TAFA2: variants seen among roughly 807,000 people sequenced by gnomAD.
The protein encoded by TAFA2 is TAFA chemokine like family member 2.
In TAFA2, 7 loss-of-function variants were observed where a neutral mutation model predicts 18.8. The observed-to-expected ratio is 0.37, with a 90% CI of 0.21 to 0.70. TAFA2 has a LOEUF of 0.70. TAFA2 is among the 30% of genes least tolerant of loss of function. TAFA2 has a pLI of 0.53. For missense variants in TAFA2, 122 were observed against 158.1 expected, an observed-to-expected ratio of 0.77 and a Z score of 1.23; for synonymous variants, 60 against 54.2, an observed-to-expected ratio of 1.11 and a Z score of -0.47.
chr12:62,094,960 A>G (rs977854315), intron 1 of TAFA2, among the ~76,000 whole-genome samples: 1 of 152,240 alleles, frequency 6.6e-6, no homozygotes, highest in East Asian at 1.9e-4. Context: ...GTAAAGCATT[A>G]GCCATTAACA....
chr12:62,022,816 T>C (rs1323674960), intron 1 of TAFA2, among the ~76,000 whole-genome samples: 1 of 152,180 alleles, frequency 6.6e-6, no homozygotes, highest in Non-Finnish European at 1.5e-5. Context: ...GTGTCTATCA[T>C]GTGCCAGTAA....
chr12:62,083,247 A>G (rs1057249435), intron 1 of TAFA2, among the ~76,000 whole-genome samples: 6 of 151,746 alleles, frequency 4.0e-5, no homozygotes, highest in Admixed American at 3.3e-4. Context: ...ATATGAGCTT[A>G]TCTGAATCAT....
chr12:62,037,589 A>G (rs892957787), intron 1 of TAFA2, among the ~76,000 whole-genome samples: 8 of 152,220 alleles, frequency 5.3e-5, no homozygotes, highest in Non-Finnish European at 1.0e-4. Context: ...TTACAAATAC[A>G]TATGCCCACG....
intron 1 of TAFA2, among the ~76,000 whole-genome samples, chr12:62,096,489 T>C (rs916709349): frequency 1.3e-5 from 2 of 152,086 alleles, no homozygotes; most frequent in African/African-American, 4.8e-5. Flanking sequence ...GAGGAATAAA[T>C]GAACCAGACC....
intron 2 of TAFA2, among the ~76,000 whole-genome samples, chr12:61,831,736 A>G (rs1035642667): frequency 4.6e-5 from 7 of 152,046 alleles, no homozygotes; most frequent in Admixed American, 3.9e-4. Flanking sequence ...GTTCTAGGGT[A>G]CATGTGCACA....
At chr12:62,205,276 C>T (rs1316410456) in intron 1 of TAFA2, among the ~76,000 whole-genome samples, 2 of 152,194 alleles carry the variant, frequency 1.3e-5, no homozygotes, top group Admixed American at 1.3e-4. Context: ...TGTCTGGTGA[C>T]CACTCTTGGG....
At chr12:61,712,107 T>C (rs1242900770) in intron 4 of TAFA2, among the ~76,000 whole-genome samples, 2 of 151,714 alleles carry the variant, frequency 1.3e-5, no homozygotes, top group Non-Finnish European at 2.9e-5. Flanking sequence ...AGAGAGGAAA[T>C]TGAGAGAGAA....
At chr12:61,947,171 A>C (rs1427634743) in intron 1 of TAFA2, among the ~76,000 whole-genome samples, 1 of 146,272 alleles carries the variant, frequency 6.8e-6, no homozygotes, top group Admixed American at 7.0e-5. Flanking sequence ...CATGGATGAA[A>C]TTAGAAACCA....
intron 1 of TAFA2, among the ~76,000 whole-genome samples, chr12:62,144,852 G>A (rs544018446): frequency 4.6e-5 from 7 of 152,112 alleles, no homozygotes; most frequent in African/African-American, 9.7e-5. Flanking sequence ...ATAAGAAATC[G>A]GTCTAGTAGT....
Position 61,775,592 on chromosome 12 carries a change from G to A in TAFA2, c.107-20568C>T, listed in dbSNP as rs138676202. The stretch of plus-strand genomic sequence containing the variant: ...TCCAACTATATGCTTTTCTGGAAAA[G>A]GAGAAACTATGAAGATCAGTGATTA... On this transcript the variant is annotated intron_variant, in intron 2 of 4. Coordinates refer to ENST00000416284, the MANE Select transcript of TAFA2 (RefSeq NM_178539.5). 5.9e-4 allele frequency among the ~76,000 whole-genome samples: 90 copies of A among 151,938 alleles called. 1 individual carries two copies. Among genetic ancestry groups the A allele is most frequent in the African/African-American group, 2.1e-3 (86 of 41,520 alleles).
At chr12:62,256,464 T>G (rs1429279350) in intron 1 of TAFA2, among the ~76,000 whole-genome samples, 1 of 152,216 alleles carries the variant, frequency 6.6e-6, no homozygotes, top group Non-Finnish European at 1.5e-5. Flanking sequence ...CCAACAGATT[T>G]CCTTCACCCA....
At chr12:62,144,284 T>C (rs1003307741) in intron 1 of TAFA2, among the ~76,000 whole-genome samples, 3 of 152,102 alleles carry the variant, frequency 2.0e-5, no homozygotes, top group Admixed American at 1.3e-4. Flanking sequence ...GCTAGGTTAG[T>C]GTTGAATATC....
intron 1 of TAFA2, among the ~76,000 whole-genome samples, chr12:62,023,455 G>A (rs1194341898): frequency 6.6e-6 from 1 of 151,790 alleles, no homozygotes; most frequent in African/African-American, 2.4e-5. Flanking sequence ...ATGCTTTACA[G>A]GCTGAATAAC....
chr12:62,066,126 C>CGTGTGTGTGTGTGT (rs3221978), intron 1 of TAFA2, among the ~76,000 whole-genome samples: 51 of 145,572 alleles, frequency 3.5e-4, no homozygotes, highest in African/African-American at 1.1e-3. Context: ...CTGAAACAGC[C>CGTGTGTGTGTGTGT]GTGTGTGTGT....
intron 4 of TAFA2, among the ~76,000 whole-genome samples, chr12:61,737,790 A>G (rs1253515189): frequency 6.6e-6 from 1 of 151,828 alleles, no homozygotes; most frequent in Non-Finnish European, 1.5e-5. Context: ...TTCCTGCTAC[A>G]AAATATGAAA....
rs1455248772 is a variant in TAFA2, at chr12:62,010,956, CTT to C, written c.-1-143532_-1-143531del. 1.2e-4 allele frequency among the ~76,000 whole-genome samples: 15 copies of C among 126,580 alleles called. 1 individual carries two copies. Among genetic ancestry groups the C allele is most frequent in the African/African-American group, 1.9e-4 (6 of 31,290 alleles). 83.0% of individuals were successfully genotyped at this position (126,580 alleles called of 152,430 possible). A position where few individuals can be genotyped will look rare whatever the true frequency, so the allele number is the denominator to read the frequency against. On this transcript the variant is annotated intron_variant, in intron 1 of 4. Coordinates refer to ENST00000416284, the MANE Select transcript of TAFA2 (RefSeq NM_178539.5). Reference sequence around the variant, plus strand: ...TGGGGAGCGCCTCTGCCCGGCCGCCCTTCGTCTGGGAGGTGGGGGGCGCCTCT... The same window carrying C: ...TGGGGAGCGCCTCTGCCCGGCCGCCCCGTCTGGGAGGTGGGGGGCGCCTCT...
intron 2 of TAFA2, among the ~76,000 whole-genome samples, chr12:61,862,449 C>A (rs1243099164): frequency 1.3e-5 from 2 of 152,168 alleles, no homozygotes; most frequent in Non-Finnish European, 2.9e-5. Flanking sequence ...TTTTTAGATA[C>A]CCATTTTTTC....
rs1426019041 is a variant in TAFA2, at chr12:62,100,337, T to A, written c.-2+90922A>T. On this transcript the variant is annotated intron_variant, in intron 1 of 4. Coordinates refer to ENST00000416284, the MANE Select transcript of TAFA2 (RefSeq NM_178539.5). ...ACCACTATGTCAGAGGCCTCCTTGG[T>A]TTATTCCCTTACTCCTAGTAACATT... 3.3e-5 allele frequency among the ~76,000 whole-genome samples: 5 copies of A among 152,116 alleles called. No homozygotes were observed. The East Asian group carries it at 5.8e-4, about 18-fold the overall frequency.
intron 2 of TAFA2, among the ~76,000 whole-genome samples, chr12:61,793,753 G>C (rs1222881978): frequency 6.6e-6 from 1 of 151,750 alleles, no homozygotes; most frequent in Non-Finnish European, 1.5e-5. Flanking sequence ...TGTGAAGCTA[G>C]CGTTATCCTG....
Sources: gnomAD v4.1 joint callset for allele counts (sites outside exome capture counted in the v4.1 genomes callset) on GRCh38, gnomAD v4.1.1 for gene constraint, MANE v1.5 for transcripts, NCBI Gene and HGNC (gene_info 2026-07-23, HGNC 2026-07-21) for gene names.